The following EBF1 variants were observed in gnomAD, a reference collection of about 807,000 sequenced individuals.
EBF1 encodes the protein EBF transcription factor 1, also known as transcription factor COE1.
EBF1 carries 10 observed loss-of-function variants against 68.4 expected under a neutral mutation model. That is an observed-to-expected ratio of 0.15 (90% CI 0.09 to 0.25). The LOEUF is 0.25. Ranked by LOEUF, EBF1 falls within the 10% of genes least tolerant of loss-of-function variation. EBF1 has a pLI of 1.00. For synonymous variants in EBF1, 298 were observed against 299.8 expected (o/e 0.99, Z 0.06); for missense variants, 509 against 794.4 (o/e 0.64, Z 4.32).
chr5:159,097,166 G>C (rs769760003), intron 1 of EBF1, 36 bp from the exon 2 acceptor site: 7 of 1,598,788 alleles, frequency 4.4e-6, no homozygotes, highest in South Asian at 1.1e-5. Context: ...TGGCTAAACC[G>C]GACGCCGACC....
At chr5:158,884,167 T>C (rs1486472023) in intron 6 of EBF1, among the ~76,000 whole-genome samples, 1 of 152,236 alleles carries the variant, frequency 6.6e-6, no homozygotes, top group Non-Finnish European at 1.5e-5. Context: ...TTATTTTGGT[T>C]CAAAGAACAG....
intron 6 of EBF1, among the ~76,000 whole-genome samples, chr5:158,955,623 G>T (rs1391439059): frequency 6.6e-6 from 1 of 152,218 alleles, no homozygotes; most frequent in Non-Finnish European, 1.5e-5. Flanking sequence ...GAGAGCATTT[G>T]CAGCTCTTCT....
Position 158,840,669 on chromosome 5 carries a change from TTTTG to T in EBF1, c.555-563_555-560del, listed in dbSNP as rs1562086593. Among the ~76,000 whole-genome samples, 67 of 82,704 alleles carry T rather than the reference TTTTG, an allele frequency of 8.1e-4. 12 individuals are homozygous for T. The highest frequency in any genetic ancestry group is 1.9e-3 in the African/African-American group (42 of 21,610). 54.3% of individuals were successfully genotyped at this position (82,704 alleles called of 152,430 possible). A position where few individuals can be genotyped will look rare whatever the true frequency, so the allele number is the denominator to read the frequency against. The stretch of plus-strand genomic sequence containing the variant: ...TGTTTTTTTTTTTTTTTTTTTTTTT[TTTTG>T]TTTTTTTTTTTTTTTTGAGACGGAG... On this transcript the variant is annotated intron_variant, in intron 6 of 15. Transcript: ENST00000313708.
Position 158,823,191 on chromosome 5 carries a change from A to G in EBF1, c.763T>C (p.Ser255Pro). The stretch of plus-strand genomic sequence containing the variant: ...ATTCGCCTACCATGTTCCAGATAAG[A>G]GGGCGTACCTTCCGAGGGGTCAAGC... Reference protein sequence around the residue: ...RRLDPSEGTPSYLEHATPCIK... With the variant: ...RRLDPSEGTPPYLEHATPCIK... Residue 255 changes from serine to proline, a missense_variant, in exon 8 of 16, where the codon TCT becomes CCT. This residue lies in a region of EBF1 where 230 missense variants were observed against 467.7 expected (regional missense o/e 0.49). Transcript: ENST00000313708. 1 of 1,614,006 alleles carries G rather than the reference A, an allele frequency of 6.2e-7. No homozygotes were observed. The highest frequency in any genetic ancestry group is 8.5e-7 in the Non-Finnish European group (1 of 1,179,906).
chr5:158,720,073 C>A (rs758110695), intron 11 of EBF1, among the ~76,000 whole-genome samples: 1 of 152,052 alleles, frequency 6.6e-6, no homozygotes, highest in Non-Finnish European at 1.5e-5. Flanking sequence ...AATATAGTGG[C>A]CAAATATCAG....
chr5:158,737,532 C>A (rs530325730), intron 10 of EBF1, among the ~76,000 whole-genome samples: 127 of 152,160 alleles, frequency 8.3e-4, no homozygotes, highest in African/African-American at 2.9e-3. Flanking sequence ...GATCCGCCCG[C>A]TTCGGCCTCC....
chr5:158,992,913 CTTTCTTTT>C (rs1760643558), intron 6 of EBF1, among the ~76,000 whole-genome samples: 2 of 81,242 alleles, frequency 2.5e-5, no homozygotes, highest in Non-Finnish European at 4.8e-5. Flanking sequence ...CCTGCTGTTT[CTTTCTTTT>C]TTTTTTTTTT....
intron 10 of EBF1, among the ~76,000 whole-genome samples, chr5:158,759,926 C>CAA (rs373242312): frequency 3.4e-5 from 5 of 148,046 alleles, no homozygotes; most frequent in Admixed American, 6.7e-5. Flanking sequence ...CCCTCCCCTC[C>CAA]AAAAAAAAAA....
At chr5:159,032,270 G>A (rs760480793) in intron 6 of EBF1, among the ~76,000 whole-genome samples, 13 of 152,156 alleles carry the variant, frequency 8.5e-5, no homozygotes, top group Non-Finnish European at 1.5e-4. Context: ...TATCTCCGTT[G>A]TACAAATGTA....
chr5:159,085,116 T>C (rs1445215533), intron 4 of EBF1, among the ~76,000 whole-genome samples: 1 of 152,220 alleles, frequency 6.6e-6, no homozygotes, highest in Admixed American at 6.5e-5. Context: ...GGATTTGATT[T>C]TTAAATGATA....
chr5:158,827,176 C>A, intron 7 of EBF1, among the ~76,000 whole-genome samples: 1 of 152,162 alleles, frequency 6.6e-6, no homozygotes, highest in East Asian at 1.9e-4. Flanking sequence ...TGATGTTAAA[C>A]AAGAAGTTCA....
chr5:159,055,719 C>A (rs1330670731), intron 6 of EBF1, among the ~76,000 whole-genome samples: 2 of 152,046 alleles, frequency 1.3e-5, no homozygotes, highest in Non-Finnish European at 2.9e-5. Context: ...CTGGGAATGG[C>A]CAGGTAATGG....
intron 6 of EBF1, among the ~76,000 whole-genome samples, chr5:158,882,251 A>T (rs934474047): frequency 2.6e-5 from 4 of 152,202 alleles, no homozygotes; most frequent in African/African-American, 9.6e-5. Context: ...TAACACCATT[A>T]ATCTATCTAT....
chr5:159,096,911 GGCTCCCGGGCCT>G, intron 2 of EBF1, 51 bp downstream of exon 2: 2 of 1,581,028 alleles, frequency 1.3e-6, no homozygotes, highest in Non-Finnish European at 8.6e-7. Context: ...CGCTGCCCAA[GGCTCCCGGGCCT>G]GCTCCCGAGC....
chr5:159,064,346 T>C (rs535641387), intron 6 of EBF1, among the ~76,000 whole-genome samples: 38 of 152,310 alleles, frequency 2.5e-4, no homozygotes, highest in African/African-American at 8.2e-4. Flanking sequence ...ACAGTGTTTT[T>C]AGCTGAGCAA....
intron 6 of EBF1, among the ~76,000 whole-genome samples, chr5:158,975,657 C>T (rs1448871032): frequency 6.6e-6 from 1 of 152,142 alleles, no homozygotes; most frequent in Non-Finnish European, 1.5e-5. Context: ...ATGTCACAAG[C>T]AACCTACAAA....
At chr5:158,765,486 A>T (rs1305491901) in intron 10 of EBF1, among the ~76,000 whole-genome samples, 1 of 152,192 alleles carries the variant, frequency 6.6e-6, no homozygotes. Flanking sequence ...CTCCATAATG[A>T]CTGGGAGTTG....
intron 6 of EBF1, among the ~76,000 whole-genome samples, chr5:158,951,197 T>G (rs1160855665): frequency 3.3e-5 from 5 of 152,224 alleles, no homozygotes; most frequent in African/African-American, 1.2e-4. Flanking sequence ...AAATTGACTA[T>G]AAACACTTTT....
At chr5:158,799,051 C>G (rs1780098790) in intron 8 of EBF1, among the ~76,000 whole-genome samples, 1 of 152,162 alleles carries the variant, frequency 6.6e-6, no homozygotes, top group African/African-American at 2.4e-5. Flanking sequence ...CACCTCCCCA[C>G]TGACAAATTT....
Sources: allele counts gnomAD v4.1 joint callset (sites outside exome capture counted in the v4.1 genomes callset), GRCh38; gene constraint gnomAD v4.1.1; regional missense constraint gnomAD v4.1.1; transcripts MANE v1.5; gene names NCBI Gene and HGNC (gene_info 2026-07-23, HGNC 2026-07-21).